DPF3: variants seen among roughly 807,000 people sequenced by gnomAD.
DPF3 encodes the protein zinc finger protein DPF3.
DPF3 carries 18 observed loss-of-function variants against 56.8 expected under a neutral mutation model. That is an observed-to-expected ratio of 0.32 (90% CI 0.22 to 0.47). The LOEUF is 0.47. Among genes scored for constraint, DPF3 ranks in the 20% least tolerant of loss-of-function variants. The pLI, the probability that DPF3 is intolerant of heterozygous loss-of-function variation, is 1.00. For missense variants in DPF3, 403 were observed against 488.8 expected, an observed-to-expected ratio of 0.82 and a Z score of 1.65; for synonymous variants, 188 against 180.2, an observed-to-expected ratio of 1.04 and a Z score of -0.35.
At chr14:72,662,054 G>T in intron 8 of DPF3, 1 of 984,812 alleles carries the variant, frequency 1.0e-6, no homozygotes. Context: ...GGCAATGAGG[G>T]TGGGGGAAAC....
chr14:72,847,663 C>T (rs1324234342), intron 1 of DPF3, among the ~76,000 whole-genome samples: 2 of 152,134 alleles, frequency 1.3e-5, no homozygotes, highest in Non-Finnish European at 2.9e-5. Context: ...AGGCACGTAC[C>T]ACCATGCCCA....
intron 1 of DPF3, among the ~76,000 whole-genome samples, chr14:72,835,681 CAGG>C (rs1159455114): frequency 2.0e-5 from 3 of 152,152 alleles, no homozygotes; most frequent in Non-Finnish European, 4.4e-5. Context: ...CGCTGATGAA[CAGG>C]AGAAGATGGA....
chr14:72,803,722 A>G (rs898150315), intron 1 of DPF3, among the ~76,000 whole-genome samples: 1 of 152,224 alleles, frequency 6.6e-6, no homozygotes, highest in Admixed American at 6.5e-5. Flanking sequence ...CAGAGTGAGC[A>G]TCCGATGATC....
chr14:72,707,681 T>C (rs1264939478), intron 6 of DPF3, among the ~76,000 whole-genome samples: 2 of 151,700 alleles, frequency 1.3e-5, no homozygotes, highest in African/African-American at 2.4e-5. Context: ...TGTGTGCGTG[T>C]GTGTGTGTGT....
At chr14:72,819,117 T>C (rs1883417399) in intron 1 of DPF3, among the ~76,000 whole-genome samples, 3 of 152,288 alleles carry the variant, frequency 2.0e-5, no homozygotes, top group South Asian at 4.1e-4. Context: ...CATCAGTCAT[T>C]AGGGAAATGC....
intron 1 of DPF3, among the ~76,000 whole-genome samples, chr14:72,865,722 G>A (rs8018936): frequency 0.049 from 7,422 of 152,216 alleles, 249 homozygotes; most frequent in Non-Finnish European, 0.073. Flanking sequence ...CTCATATATC[G>A]ATGAAGCTTT....
At chr14:72,632,041 G>T (rs532608911) in intron 8 of DPF3, among the ~76,000 whole-genome samples, 2 of 152,346 alleles carry the variant, frequency 1.3e-5, no homozygotes, top group African/African-American at 4.8e-5. Flanking sequence ...GTGAGCAGAG[G>T]CTTGATGAGC....
chr14:72,671,176 C>T, intron 8 of DPF3: 1 of 1,613,988 alleles, frequency 6.2e-7, no homozygotes. Context: ...CGAACCCCGG[C>T]CACTGCGGCG....
intron 8 of DPF3, among the ~76,000 whole-genome samples, chr14:72,654,900 C>A (rs1886020336): frequency 6.6e-6 from 1 of 152,146 alleles, no homozygotes; most frequent in Non-Finnish European, 1.5e-5. Flanking sequence ...GGTCAAAACA[C>A]ATGGATCTAT....
At chr14:72,721,462 A>C (rs1457567444) in intron 5 of DPF3, among the ~76,000 whole-genome samples, 2 of 152,182 alleles carry the variant, frequency 1.3e-5, no homozygotes, top group African/African-American at 4.8e-5. Flanking sequence ...CAAGCTCAAA[A>C]GTCTCCTTTA....
intron 3 of DPF3, among the ~76,000 whole-genome samples, chr14:72,740,912 T>C (rs1224144364): frequency 2.0e-5 from 3 of 152,082 alleles, no homozygotes; most frequent in Admixed American, 6.5e-5. Context: ...TAAAAGGCTA[T>C]AAGACAGAGC....
chr14:72,671,772 G>A (rs1886686604), intron 8 of DPF3, among the ~76,000 whole-genome samples: 1 of 152,198 alleles, frequency 6.6e-6, no homozygotes, highest in Non-Finnish European at 1.5e-5. Flanking sequence ...ACAGTCAGCT[G>A]TACAAAGGTA....
intron 8 of DPF3, among the ~76,000 whole-genome samples, chr14:72,657,657 T>G (rs1886095011): frequency 6.6e-6 from 1 of 152,112 alleles, no homozygotes; most frequent in South Asian, 2.1e-4. Context: ...AACTGAGCAG[T>G]GCAATACTCT....
intron 1 of DPF3, chr14:72,892,481 T>C (rs1357926722): frequency 7.7e-6 from 11 of 1,426,306 alleles, no homozygotes; most frequent in Non-Finnish European, 9.1e-6. Flanking sequence ...TATAAATATA[T>C]TTGAAACCTG....
chr14:72,656,259 A>G (rs1886059483), intron 8 of DPF3, among the ~76,000 whole-genome samples: 1 of 152,200 alleles, frequency 6.6e-6, no homozygotes. Flanking sequence ...AGTGGTGTCA[A>G]ATATTAAATA....
At chr14:72,673,666 T>C (rs1886786277) in intron 8 of DPF3, among the ~76,000 whole-genome samples, 1 of 152,254 alleles carries the variant, frequency 6.6e-6, no homozygotes, top group South Asian at 2.1e-4. Context: ...TAGGAATGCC[T>C]GTCCTTTTGC....
chr14:72,810,088 T>G (rs531730637), intron 1 of DPF3, among the ~76,000 whole-genome samples: 1 of 152,198 alleles, frequency 6.6e-6, no homozygotes, highest in Non-Finnish European at 1.5e-5. Flanking sequence ...TACAAATGCC[T>G]TCTTCCATAG....
chr14:72,859,471 C>A (rs1465088029), intron 1 of DPF3, among the ~76,000 whole-genome samples: 2 of 23,370 alleles, frequency 8.6e-5, no homozygotes, highest in Admixed American at 6.7e-4. Context: ...CAGCTTCCTC[C>A]CCCCCCCCCC....
intron 1 of DPF3, among the ~76,000 whole-genome samples, chr14:72,827,653 T>C (rs549977454): frequency 2.6e-5 from 4 of 152,190 alleles, no homozygotes; most frequent in Non-Finnish European, 4.4e-5. Context: ...ATTTCTTTTT[T>C]ACTTTTAGTA....
Sources: allele counts gnomAD v4.1 joint callset (sites outside exome capture counted in the v4.1 genomes callset), GRCh38; gene constraint gnomAD v4.1.1; transcripts MANE v1.5; gene names NCBI Gene and HGNC (gene_info 2026-07-23, HGNC 2026-07-21).